CYP7B1: variants seen among roughly 807,000 people sequenced by gnomAD.
The protein encoded by CYP7B1 is cytochrome P450 family 7 subfamily B member 1.
CYP7B1 carries 29 observed loss-of-function variants against 42.7 expected under a neutral mutation model. The ratio of observed to expected loss-of-function variants is 0.68; its 90% CI spans 0.51 to 0.93. CYP7B1 has a LOEUF of 0.93. Ranked by LOEUF, CYP7B1 falls within the 40% of genes least tolerant of loss-of-function variation. The probability of loss-of-function intolerance (pLI) is 0.00; values close to 1 mark genes in which losing one functional copy is unlikely to be tolerated. For missense variants in CYP7B1, 655 were observed against 600.5 expected (o/e 1.09, Z -0.95); for synonymous variants, 235 against 218.2 (o/e 1.08, Z -0.68).
At chr8:64,724,064 G>T (rs905347270) in intron 1 of CYP7B1, among the ~76,000 whole-genome samples, 1 of 151,856 alleles carries the variant, frequency 6.6e-6, no homozygotes, top group African/African-American at 2.4e-5. Context: ...CTATGTACAG[G>T]TTGTTGATAT....
At chr8:64,710,257 TC>T (rs1490212885) in intron 1 of CYP7B1, among the ~76,000 whole-genome samples, 1 of 152,140 alleles carries the variant, frequency 6.6e-6, no homozygotes, top group Non-Finnish European at 1.5e-5. Context: ...CAAATAAGAT[TC>T]AAATTCTTTA....
chr8:64,686,766 T>G (rs1806657717), intron 1 of CYP7B1, among the ~76,000 whole-genome samples: 1 of 75,024 alleles, frequency 1.3e-5, no homozygotes, highest in African/African-American at 5.8e-5. Flanking sequence ...GGGAGACTTT[T>G]CATTTTGTTC....
intron 1 of CYP7B1, among the ~76,000 whole-genome samples, chr8:64,775,314 C>G (rs1014626152): frequency 6.6e-6 from 1 of 152,100 alleles, no homozygotes; most frequent in Non-Finnish European, 1.5e-5. Flanking sequence ...AAGAGGAATT[C>G]CAAATAACCA....
chr8:64,743,770 C>T (rs1394449451), intron 1 of CYP7B1, among the ~76,000 whole-genome samples: 1 of 152,124 alleles, frequency 6.6e-6, no homozygotes. Context: ...ATATTTGGGG[C>T]TCAATATATT....
At chr8:64,761,764 T>C (rs1414675055) in intron 1 of CYP7B1, among the ~76,000 whole-genome samples, 1 of 152,124 alleles carries the variant, frequency 6.6e-6, no homozygotes. Context: ...TAGGAGTTGG[T>C]CTATTTCTAG....
In CYP7B1 at chr8:64,592,737, C is replaced by T. The variant is rs1224041719; in HGVS notation, c.*3905G>A. Among the ~76,000 whole-genome samples the T allele has an allele frequency of 1.3e-5, 2 of 152,148 alleles. No individual in the cohort carries two copies. Among genetic ancestry groups the T allele is most frequent in the South Asian group, 2.1e-4 (1 of 4,830 alleles). ...ATCCATACACGTTACTGTGTTTAAT[C>T]GTTACAATGAACTCTGATGTCAAAG... is the stretch of plus-strand genomic sequence containing the variant. On this transcript the variant is annotated 3_prime_UTR_variant, in exon 6 of 6. Transcript: ENST00000310193.
intron 2 of CYP7B1, among the ~76,000 whole-genome samples, chr8:64,623,567 G>T (rs1185473999): frequency 2.0e-5 from 3 of 152,036 alleles, no homozygotes; most frequent in African/African-American, 7.2e-5. Context: ...ACATAGTTTG[G>T]GTCTTAAAAA....
intron 1 of CYP7B1, among the ~76,000 whole-genome samples, chr8:64,726,770 T>C (rs893800865): frequency 6.6e-6 from 1 of 152,238 alleles, no homozygotes; most frequent in African/African-American, 2.4e-5. Flanking sequence ...ATCATCTGTA[T>C]AGCAGACAAT....
intron 1 of CYP7B1, among the ~76,000 whole-genome samples, chr8:64,691,871 C>T (rs778139704): frequency 3.9e-5 from 6 of 152,158 alleles, no homozygotes; most frequent in Non-Finnish European, 5.9e-5. Flanking sequence ...CCAGTACAGA[C>T]GATGCTTATC....
chr8:64,743,145 A>G (rs1807594037), intron 1 of CYP7B1, among the ~76,000 whole-genome samples: 1 of 152,198 alleles, frequency 6.6e-6, no homozygotes, highest in African/African-American at 2.4e-5. Context: ...AATAAACAAA[A>G]AAACAAACAA....
rs147901195 is a variant in CYP7B1 at position 64,661,121 on chromosome 8, C to T, written c.123-36582G>A. Among the ~76,000 whole-genome samples the T allele has an allele frequency of 3.9e-5, 6 of 152,270 alleles. No homozygotes were observed. In the East Asian group the frequency reaches 1.2e-3, roughly 29 times the overall value. ...GAGAGCAAATCATGGTGGCCTTAAA[C>T]TGCAACATACAGGATTTTACAGAAG... On this transcript the variant is annotated intron_variant, in intron 1 of 5. Transcript: ENST00000310193.
At chr8:64,705,742 T>C (rs1418534327) in intron 1 of CYP7B1, among the ~76,000 whole-genome samples, 1 of 152,088 alleles carries the variant, frequency 6.6e-6, no homozygotes, top group Non-Finnish European at 1.5e-5. Context: ...GGCAATATAC[T>C]TGATTAATTT....
chr8:64,630,172 A>T (rs1455188010), intron 1 of CYP7B1, among the ~76,000 whole-genome samples: 1 of 150,090 alleles, frequency 6.7e-6, no homozygotes, highest in African/African-American at 2.5e-5. Flanking sequence ...AGAGTCTTAC[A>T]TTTTATTAAA....
At position 64,595,556 on chromosome 8, in the gene CYP7B1, C is replaced by T. The variant is rs543981930; in HGVS notation, c.*1086G>A. On this transcript the variant is annotated 3_prime_UTR_variant, in exon 6 of 6. Coordinates refer to ENST00000310193, the MANE Select transcript of CYP7B1 (RefSeq NM_004820.5). Reference sequence around the variant, plus strand: ...AGTCCAGGTTCCCAAGGGACCAAAGCGGGAGGATCACTTGAGGTCAGGATT... The same window carrying T: ...AGTCCAGGTTCCCAAGGGACCAAAGTGGGAGGATCACTTGAGGTCAGGATT... Among the ~76,000 whole-genome samples the T allele has an allele frequency of 1.3e-4, 20 of 152,106 alleles. No individual in the cohort carries two copies. The highest frequency in any genetic ancestry group is 3.9e-4 in the African/African-American group (16 of 41,512).
At chr8:64,644,118 C>G (rs888277784) in intron 1 of CYP7B1, among the ~76,000 whole-genome samples, 1 of 151,948 alleles carries the variant, frequency 6.6e-6, no homozygotes, top group Non-Finnish European at 1.5e-5. Context: ...ACTAAAAATA[C>G]AAAAATTAGC....
intron 1 of CYP7B1, among the ~76,000 whole-genome samples, chr8:64,624,748 G>A (rs1196377428): frequency 2.0e-5 from 3 of 151,910 alleles, no homozygotes; most frequent in African/African-American, 2.4e-5. Flanking sequence ...AACTTCTGGT[G>A]AGCAACTTTA....
chr8:64,792,708 C>T (rs1009772097), intron 1 of CYP7B1, among the ~76,000 whole-genome samples: 2 of 152,062 alleles, frequency 1.3e-5, no homozygotes, highest in Non-Finnish European at 1.5e-5. Flanking sequence ...GGAATTTTAC[C>T]CCCAAGATGG....
At chr8:64,766,970 G>A (rs925281479) in intron 1 of CYP7B1, among the ~76,000 whole-genome samples, 20 of 152,170 alleles carry the variant, frequency 1.3e-4, no homozygotes, top group Admixed American at 4.6e-4. Context: ...GGGGTCCTAG[G>A]ACAGGCAGTC....
intron 1 of CYP7B1, among the ~76,000 whole-genome samples, chr8:64,722,753 G>T (rs1328448068): frequency 3.1e-5 from 3 of 95,318 alleles, no homozygotes; most frequent in Admixed American, 1.4e-4. Flanking sequence ...CGGGGGGGGG[G>T]GGGCGGGAGG....
Sources: allele counts gnomAD v4.1 joint callset (sites outside exome capture counted in the v4.1 genomes callset), GRCh38; gene constraint gnomAD v4.1.1; transcripts MANE v1.5; gene names NCBI Gene and HGNC (gene_info 2026-07-23, HGNC 2026-07-21).